The following CABIN1 variants were observed in gnomAD, a reference collection of about 807,000 sequenced individuals.
The protein encoded by CABIN1 is calcineurin binding protein 1, also known as calcineurin-binding protein cabin-1.
Under a neutral mutation model 227.7 loss-of-function variants are expected in CABIN1, and 133 were observed. That is an observed-to-expected ratio of 0.58 (90% CI 0.51 to 0.67). CABIN1 has a LOEUF of 0.67. Among genes scored for constraint, CABIN1 ranks in the 30% least tolerant of loss-of-function variants. The pLI is 0.00. For synonymous variants in CABIN1, 1,086 were observed against 1,155.1 expected (o/e 0.94, Z 1.21); for missense variants, 2,408 against 2,852.5 (o/e 0.84, Z 3.55).
intron 1 of CABIN1, among the ~76,000 whole-genome samples, chr22:24,012,462 T>C (rs1299794647): frequency 6.6e-6 from 1 of 152,130 alleles, no homozygotes; most frequent in Non-Finnish European, 1.5e-5. Flanking sequence ...GAGACTGACA[T>C]CTATGTCAAG....
At chr22:24,083,160 G>A in intron 19 of CABIN1, 68 bp from the exon 20 acceptor site, 1 of 1,505,798 alleles carries the variant, frequency 6.6e-7, no homozygotes, top group South Asian at 1.1e-5. Flanking sequence ...TTTCTCTGGG[G>A]CCCTGCTGTG....
intron 29 of CABIN1, among the ~76,000 whole-genome samples, chr22:24,134,762 G>A (rs185400202): frequency 3.9e-5 from 6 of 152,336 alleles, no homozygotes; most frequent in Non-Finnish European, 5.9e-5. Flanking sequence ...TCTCAAGCAC[G>A]TAGGAGATTC....
At chr22:24,101,235 A>G (rs1282223250) in intron 26 of CABIN1, among the ~76,000 whole-genome samples, 1 of 152,232 alleles carries the variant, frequency 6.6e-6, no homozygotes, top group African/African-American at 2.4e-5. Context: ...CCTTTGCTTC[A>G]AAACCAGAAA....
intron 1 of CABIN1, among the ~76,000 whole-genome samples, chr22:24,013,889 G>T (rs1030605972): frequency 2.0e-5 from 3 of 152,124 alleles, no homozygotes; most frequent in African/African-American, 7.2e-5. Context: ...AATGATTGGG[G>T]TGAGATTATG....
In CABIN1 at chr22:24,049,144, G is replaced by T; in HGVS notation, c.580G>T (p.Gly194Trp). Residue 194 changes from glycine (G) to tryptophan (W), a missense_variant, in exon 7 of 37, where the codon GGG (glycine) becomes TGG (tryptophan). This residue lies in a region of CABIN1 where 1,045 missense variants were observed against 1,168.4 expected (regional missense o/e 0.89). Coordinates refer to ENST00000263119, the MANE Select transcript of CABIN1 (RefSeq NM_012295.4). ...GGAGAAGGATTGCCGGTACAGCAAA[G>T]GGCTGGTCCTCAAGGAGAAGATTTT... ...ALEKDCRYSK[G>W]LVLKEKIFEE... 1 of 1,614,110 alleles carries T rather than the reference G, an allele frequency of 6.2e-7. No homozygotes were observed. The highest frequency in any genetic ancestry group is 1.1e-5 in the South Asian group (1 of 91,070).
Position 24,177,246 on chromosome 22 carries a change from C to G in CABIN1, c.6206-258C>G, listed in dbSNP as rs2047169197. 6.6e-6 allele frequency among the ~76,000 whole-genome samples: 1 copy of G among 152,178 alleles called. No homozygotes were observed. The highest frequency in any genetic ancestry group is 1.5e-5 in the Non-Finnish European group (1 of 68,024). On this transcript the variant is annotated intron_variant, in intron 35 of 36. Coordinates refer to ENST00000263119, the MANE Select transcript of CABIN1 (RefSeq NM_012295.4). The surrounding 1 kb of genome is among the most constrained non-coding windows in gnomAD (Gnocchi z 4.4). ...CAGAACCCAGCAAGGCTCAGGGAGT[C>G]TCAGGTCCTGGGCTTTGAGTTCATG... is the stretch of plus-strand genomic sequence containing the variant.
intron 26 of CABIN1, among the ~76,000 whole-genome samples, chr22:24,105,032 T>G (rs986954533): frequency 2.6e-5 from 4 of 152,206 alleles, no homozygotes; most frequent in African/African-American, 7.2e-5. Context: ...AGTTGCATCT[T>G]GTAACTAAAG....
intron 6 of CABIN1, among the ~76,000 whole-genome samples, chr22:24,044,884 C>G (rs559880332): frequency 6.6e-6 from 1 of 151,054 alleles, no homozygotes; most frequent in Non-Finnish European, 1.5e-5. Flanking sequence ...GAAGCCGTCT[C>G]TGTACCTCTT....
At position 24,083,296 on chromosome 22, in the gene CABIN1, G is replaced by A. The variant is rs1406892326; in HGVS notation, c.2817G>A (p.Leu939=). 2 of 1,613,592 alleles carry A rather than the reference G, an allele frequency of 1.2e-6. No homozygotes were observed. Among genetic ancestry groups the A allele is most frequent in the East Asian group, 2.2e-5 (1 of 44,882 alleles). Residue 939 remains leucine, a synonymous_variant, in exon 20 of 37, where the codon CTG becomes CTA. Transcript: ENST00000263119. ...ACACGCACCCTTACAAGGAGGAGCT[G>A]GAGACAGCCTTGGAGCAGTGCTTCT... ...SEDTHPYKEE[L]ETALEQCFYC...
chr22:24,062,067 A>AC (rs1489754371), intron 13 of CABIN1, 42 bp downstream of exon 13: 1 of 1,505,174 alleles, frequency 6.6e-7, no homozygotes, highest in African/African-American at 1.4e-5. Flanking sequence ...TAATATCTGA[A>AC]CCCCCAGCAG....
chr22:24,145,465 T>C (rs5760218), intron 29 of CABIN1, among the ~76,000 whole-genome samples: 44,005 of 152,112 alleles, frequency 0.29, 8,005 homozygotes, highest in African/African-American at 0.51. Context: ...ACAGCAAGTT[T>C]GCACCTGAGC....
intron 22 of CABIN1, 22 bp downstream of exon 22, chr22:24,085,173 C>T (rs2041069249): frequency 6.2e-7 from 1 of 1,613,838 alleles, no homozygotes; most frequent in Non-Finnish European, 8.5e-7. Flanking sequence ...GATCATGAGG[C>T]TAGGCTGGCT....
Position 24,134,295 on chromosome 22 carries a change from T to G in CABIN1, c.4633-7T>G. 6.2e-7 allele frequency: 1 copy of G among 1,611,904 alleles called. No homozygotes were observed. Among genetic ancestry groups the G allele is most frequent in the East Asian group, 2.2e-5 (1 of 44,812 alleles). On this transcript the variant is annotated splice_region_variant and splice_polypyrimidine_tract_variant and intron_variant, in intron 28 of 36. Coordinates refer to ENST00000263119, the MANE Select transcript of CABIN1 (RefSeq NM_012295.4). ...ACTCACTTTCAACCTACTTCTTGTT[T>G]CCCCAGAACCTCCAGTGGGCCCGCG...
intron 29 of CABIN1, among the ~76,000 whole-genome samples, chr22:24,159,969 A>C (rs1454527440): frequency 1.3e-5 from 2 of 152,072 alleles, no homozygotes; most frequent in Non-Finnish European, 2.9e-5. Context: ...CCATGCTTCC[A>C]TTTCTACATC....
intron 27 of CABIN1, among the ~76,000 whole-genome samples, chr22:24,117,411 G>A (rs548031974): frequency 6.6e-6 from 1 of 152,084 alleles, no homozygotes; most frequent in Non-Finnish European, 1.5e-5. Flanking sequence ...GTTGCCCCAG[G>A]CTAGTCTCAA....
At chr22:24,176,775 A>G (rs1660494175) in intron 35 of CABIN1, among the ~76,000 whole-genome samples, 1 of 152,214 alleles carries the variant, frequency 6.6e-6, no homozygotes, top group South Asian at 2.1e-4. Context: ...TGTTCCCACC[A>G]GCTGCCCCAA....
intron 34 of CABIN1, among the ~76,000 whole-genome samples, chr22:24,173,822 A>G (rs1235158018): frequency 7.2e-5 from 11 of 152,144 alleles, no homozygotes; most frequent in Admixed American, 7.2e-4. Context: ...CGACAGAGCT[A>G]GACTCCATCT....
At position 24,165,565 on chromosome 22, in the gene CABIN1, C is replaced by T. The variant is rs1479540385; in HGVS notation, c.4946C>T (p.Ala1649Val). The T allele has an allele frequency of 1.9e-6, 3 of 1,613,074 alleles. No homozygotes were observed. Among genetic ancestry groups the T allele is most frequent in the Non-Finnish European group, 2.5e-6 (3 of 1,180,002 alleles). Reference sequence around the variant, plus strand: ...CGAGATGCTGACCGCCAGGTCCTGGCGCAGCGGGCCTTCATCCTCACTGTG... The same window carrying T: ...CGAGATGCTGACCGCCAGGTCCTGGTGCAGCGGGCCTTCATCCTCACTGTG... ...YLRDADRQVLAQRAFILTVKV... is the reference protein window; with the variant it reads ...YLRDADRQVLVQRAFILTVKV... The change falls in exon 31 of 37, where the codon GCG (alanine) becomes GTG (valine). Residue 1649 changes from alanine (A) to valine (V), a missense_variant. This residue lies in a region of CABIN1 where 714 missense variants were observed against 773.8 expected (regional missense o/e 0.92). Coordinates refer to ENST00000263119, the MANE Select transcript of CABIN1 (RefSeq NM_012295.4).
At chr22:24,012,008 A>G (rs1489582034) in intron 1 of CABIN1, among the ~76,000 whole-genome samples, 2 of 152,238 alleles carry the variant, frequency 1.3e-5, no homozygotes, top group African/African-American at 4.8e-5. Context: ...CATGTGGCTA[A>G]GATTCTTTCT....
Sources: gnomAD v4.1 joint callset for allele counts (sites outside exome capture counted in the v4.1 genomes callset) on GRCh38, gnomAD v4.1.1 for gene constraint, gnomAD v4.1.1 regional missense constraint, Gnocchi (gnomAD v3.1) non-coding constraint, MANE v1.5 for transcripts, NCBI Gene and HGNC (gene_info 2026-07-23, HGNC 2026-07-21) for gene names.